DPYSL2: variants seen among roughly 807,000 people sequenced by gnomAD.
DPYSL2 encodes the protein dihydropyrimidinase-related protein 2.
A neutral mutation model predicts 69.9 loss-of-function variants in DPYSL2; 13 were observed. The observed-to-expected ratio is 0.19, with a 90% CI of 0.12 to 0.30. The LOEUF (loss-of-function observed/expected upper bound fraction) is 0.30. DPYSL2 is among the 10% of genes least tolerant of loss of function. The pLI is 1.00. For synonymous variants in DPYSL2, 326 were observed against 359.1 expected, an observed-to-expected ratio of 0.91 and a Z score of 1.04; for missense variants, 587 against 918.9, an observed-to-expected ratio of 0.64 and a Z score of 4.67.
intron 3 of DPYSL2, among the ~76,000 whole-genome samples, chr8:26,616,026 A>C (rs1051269159): frequency 6.6e-6 from 1 of 152,168 alleles, no homozygotes; most frequent in Admixed American, 6.5e-5. Context: ...AGCATTTCCC[A>C]TATTCCCTCG....
In DPYSL2 at chr8:26,627,432, C is replaced by G; in HGVS notation, c.936+137C>G. On this transcript the variant is annotated intron_variant, in intron 6 of 13. Coordinates refer to ENST00000521913, the MANE Select transcript of DPYSL2 (RefSeq NM_001197293.3). The surrounding 1 kb of genome is among the most constrained non-coding windows in gnomAD (Gnocchi z 6.9). ...CTGGTGTTCCCTTGCTGGAGCTCTGCTCAGTCTCACCCATGGCATGAATGC... is the reference window on the plus strand; with the variant it reads ...CTGGTGTTCCCTTGCTGGAGCTCTGGTCAGTCTCACCCATGGCATGAATGC... 1.2e-6 allele frequency: 1 copy of G among 864,986 alleles called. No homozygotes were observed. The highest frequency in any genetic ancestry group is 1.9e-6 in the Non-Finnish European group (1 of 538,616). The allele number at this position is 864,986 out of a possible 1,614,324, so 53.6% of individuals were successfully genotyped here. A position where few individuals can be genotyped will look rare whatever the true frequency, so the allele number is the denominator to read the frequency against.
At position 26,626,594 on chromosome 8, in the gene DPYSL2, C is replaced by T. The variant is rs774097238; in HGVS notation, c.794-23C>T. On this transcript the variant is annotated intron_variant, in intron 4 of 13. Transcript: ENST00000521913. This position sits in a 1 kb window ranked among gnomAD's most constrained non-coding sequence, Gnocchi z 4.3. ...ATTTGGTTTATCTATTAAAAGTCCACTTCTCTATTTTGTCCGCACTAGGGG... is the reference window on the plus strand; with the variant it reads ...ATTTGGTTTATCTATTAAAAGTCCATTTCTCTATTTTGTCCGCACTAGGGG... The T allele has an allele frequency of 2.5e-6, 4 of 1,612,186 alleles. No individual in the cohort carries two copies. The highest frequency in any genetic ancestry group is 1.1e-5 in the South Asian group (1 of 90,874).
intron 1 of DPYSL2, among the ~76,000 whole-genome samples, chr8:26,532,559 G>A (rs1800528336): frequency 6.6e-6 from 1 of 152,052 alleles, no homozygotes; most frequent in Non-Finnish European, 1.5e-5. Context: ...GACAACCATT[G>A]ATCTGCTTTC....
chr8:26,630,585 G>A (rs2129927371), intron 7 of DPYSL2, among the ~76,000 whole-genome samples: 1 of 141,848 alleles, frequency 7.0e-6, no homozygotes, highest in Non-Finnish European at 1.6e-5. Context: ...TGTGCAGGAG[G>A]TACAACATCT....
chr8:26,646,144 G>C (rs1387392381), intron 10 of DPYSL2, among the ~76,000 whole-genome samples: 2 of 151,488 alleles, frequency 1.3e-5, no homozygotes, highest in Non-Finnish European at 2.9e-5. Context: ...GGGATTACAG[G>C]TGTGAGCCAC....
chr8:26,629,841 C>G (rs886301649), intron 7 of DPYSL2, among the ~76,000 whole-genome samples: 3 of 152,208 alleles, frequency 2.0e-5, no homozygotes, highest in African/African-American at 7.2e-5. Flanking sequence ...GCTATCCTCC[C>G]ACCTCTTAGC....
At position 26,565,705 on chromosome 8, in the gene DPYSL2, G is replaced by C. The variant is rs565175738; in HGVS notation, c.355-16264G>C. Among the ~76,000 whole-genome samples, 1 of 152,200 alleles carries C rather than the reference G, an allele frequency of 6.6e-6. No individual in the cohort carries two copies. The highest frequency in any genetic ancestry group is 1.5e-5 in the Non-Finnish European group (1 of 68,040). On this transcript the variant is annotated intron_variant, in intron 1 of 13. Coordinates refer to ENST00000521913, the MANE Select transcript of DPYSL2 (RefSeq NM_001197293.3). This position sits in a 1 kb window ranked among gnomAD's most constrained non-coding sequence, Gnocchi z 4.1. ...GTATAATGACTCGAGCACAAAAGGA[G>C]TTTATTTGTATATCACATAATAGTT...
chr8:26,557,715 G>C (rs1801012645), intron 1 of DPYSL2, among the ~76,000 whole-genome samples: 2 of 150,608 alleles, frequency 1.3e-5, no homozygotes, highest in Non-Finnish European at 2.9e-5. Flanking sequence ...TTTGAACCTG[G>C]AAAGTGGAGG....
chr8:26,573,325 C>A (rs1801270722), intron 1 of DPYSL2, among the ~76,000 whole-genome samples: 1 of 151,920 alleles, frequency 6.6e-6, no homozygotes, highest in Non-Finnish European at 1.5e-5. Context: ...GAGTTTGAGA[C>A]CAGCCTGGCC....
rs1005865108 is a variant in DPYSL2, at chr8:26,514,491, T to A, written c.166T>A (p.Ser56Thr). 7.0e-5 allele frequency: 107 copies of A among 1,529,396 alleles called. No individual in the cohort carries two copies. In the Middle Eastern group the frequency reaches 1.0e-3, roughly 14 times the overall value. The allele number at this position is 1,529,396 out of a possible 1,614,324, so 94.7% of individuals were successfully genotyped here. A position where few individuals can be genotyped will look rare whatever the true frequency, so the allele number is the denominator to read the frequency against. Residue 56 changes from serine to threonine, a missense_variant, in exon 1 of 14, where the codon TCG becomes ACG. Coordinates refer to ENST00000521913, the MANE Select transcript of DPYSL2 (RefSeq NM_001197293.3). The surrounding 1 kb of genome is among the most constrained non-coding windows in gnomAD (Gnocchi z 8.4). ...ENKTIDFDSL[S>T]VGRGSGQVVA... The stretch of plus-strand genomic sequence containing the variant: ...CAAGACCATCGACTTCGACTCGCTG[T>A]CGGTGGGCCGGGGCTCGGGGCAGGT...
intron 3 of DPYSL2, among the ~76,000 whole-genome samples, chr8:26,613,122 T>G (rs967464635): frequency 3.9e-5 from 6 of 152,136 alleles, no homozygotes; most frequent in Non-Finnish European, 7.3e-5. Flanking sequence ...TGAAGAGAGG[T>G]GGATATGTTT....
chr8:26,643,931 T>A lies in DPYSL2; in HGVS notation c.1284-19T>A. On this transcript the variant is annotated intron_variant, in intron 9 of 13. Coordinates refer to ENST00000521913, the MANE Select transcript of DPYSL2 (RefSeq NM_001197293.3). This position sits in a 1 kb window ranked among gnomAD's most constrained non-coding sequence, Gnocchi z 6.5. ...ATCTTGACGAAGCTGCAGCACCACGTTATGCATTTTCTTTGCAGTGGAGAC... is the reference window on the plus strand; with the variant it reads ...ATCTTGACGAAGCTGCAGCACCACGATATGCATTTTCTTTGCAGTGGAGAC... The A allele has an allele frequency of 6.2e-7, 1 of 1,612,222 alleles. No individual in the cohort carries two copies. The highest frequency in any genetic ancestry group is 8.5e-7 in the Non-Finnish European group (1 of 1,178,918).
chr8:26,548,168 C>A (rs967893315), intron 1 of DPYSL2: 1 of 234,974 alleles, frequency 4.3e-6, no homozygotes, highest in Admixed American at 4.2e-5. Flanking sequence ...TGGTTCCAGA[C>A]AACCACGTCC....
rs1241037843 is a variant in DPYSL2, at chr8:26,643,824, G to A, written c.1284-126G>A. The A allele has an allele frequency of 1.5e-6, 2 of 1,328,102 alleles. No homozygotes were observed. The highest frequency in any genetic ancestry group is 2.0e-6 in the Non-Finnish European group (2 of 978,316). 82.3% of individuals were successfully genotyped at this position (1,328,102 alleles called of 1,614,324 possible). A position where few individuals can be genotyped will look rare whatever the true frequency, so the allele number is the denominator to read the frequency against. On this transcript the variant is annotated intron_variant, in intron 9 of 13. Coordinates refer to ENST00000521913, the MANE Select transcript of DPYSL2 (RefSeq NM_001197293.3). The surrounding 1 kb of genome is among the most constrained non-coding windows in gnomAD (Gnocchi z 6.5). Reference sequence around the variant, plus strand: ...TGTTGAAAGTCAAGCCAAGAAGGGAGAGGAGGCGTCAAAAGGACTCCACTT... The same window carrying A: ...TGTTGAAAGTCAAGCCAAGAAGGGAAAGGAGGCGTCAAAAGGACTCCACTT...
intron 3 of DPYSL2, among the ~76,000 whole-genome samples, chr8:26,604,613 G>C (rs114135670): frequency 3.9e-4 from 60 of 152,200 alleles, no homozygotes; most frequent in African/African-American, 1.4e-3. Flanking sequence ...TGAAAAGTTG[G>C]ACGTTAGCTA....
At chr8:26,599,608 C>T (rs535737026) in intron 3 of DPYSL2, among the ~76,000 whole-genome samples, 18 of 146,104 alleles carry the variant, frequency 1.2e-4, no homozygotes, top group African/African-American at 4.3e-4. Context: ...TTCTTTCTCT[C>T]GCTCTCTCTC....
rs578128334 is a variant in DPYSL2 at position 26,571,083 on chromosome 8, G to T, written c.355-10886G>T. On this transcript the variant is annotated intron_variant, in intron 1 of 13. Coordinates refer to ENST00000521913, the MANE Select transcript of DPYSL2 (RefSeq NM_001197293.3). This position sits in a 1 kb window ranked among gnomAD's most constrained non-coding sequence, Gnocchi z 6.1. ...ACCACTCTTTCATAATGTTCCCCCTGGACAAAGAGCAGACCAGTGATGCCC... is the reference window on the plus strand; with the variant it reads ...ACCACTCTTTCATAATGTTCCCCCTTGACAAAGAGCAGACCAGTGATGCCC... Among the ~76,000 whole-genome samples the T allele has an allele frequency of 6.6e-6, 1 of 152,202 alleles. No individual in the cohort carries two copies. The highest frequency in any genetic ancestry group is 1.5e-5 in the Non-Finnish European group (1 of 68,042).
chr8:26,603,311 T>C (rs1802035341), intron 3 of DPYSL2, among the ~76,000 whole-genome samples: 1 of 152,190 alleles, frequency 6.6e-6, no homozygotes, highest in Non-Finnish European at 1.5e-5. Context: ...TAGCTGAGAC[T>C]ACAGGTGTCC....
In DPYSL2 at chr8:26,642,841, T is replaced by C. The variant is rs1803081554; in HGVS notation, c.1127-598T>C. On this transcript the variant is annotated intron_variant, in intron 8 of 13. Coordinates refer to ENST00000521913, the MANE Select transcript of DPYSL2 (RefSeq NM_001197293.3). The surrounding 1 kb of genome is among the most constrained non-coding windows in gnomAD (Gnocchi z 5.3). Reference sequence around the variant, plus strand: ...TCTCTCACAGAGTCAGCTGTGAAGATGGTGGCTGTAACGGACAGCTTCTTC... The same window carrying C: ...TCTCTCACAGAGTCAGCTGTGAAGACGGTGGCTGTAACGGACAGCTTCTTC... 1 of 152,226 alleles carries C rather than the reference T, an allele frequency of 6.6e-6. No homozygotes were observed. Among genetic ancestry groups the C allele is most frequent in the Non-Finnish European group, 1.5e-5 (1 of 68,080 alleles). The allele number at this position is 152,226 out of a possible 1,614,324, so 9.4% of individuals were successfully genotyped here.
Sources: gnomAD v4.1 joint callset for allele counts (sites outside exome capture counted in the v4.1 genomes callset) on GRCh38, gnomAD v4.1.1 for gene constraint, Gnocchi (gnomAD v3.1) non-coding constraint, MANE v1.5 for transcripts, NCBI Gene and HGNC (gene_info 2026-07-23, HGNC 2026-07-21) for gene names.